AAK1: variants seen among roughly 807,000 people sequenced by gnomAD.
AAK1 encodes AP2 associated kinase 1.
A neutral mutation model predicts 116.0 loss-of-function variants in AAK1; 37 were observed. The observed-to-expected ratio is 0.32, with a 90% CI of 0.25 to 0.42. The LOEUF (loss-of-function observed/expected upper bound fraction) is 0.42. AAK1 is among the 10% of genes least tolerant of loss of function. The probability of loss-of-function intolerance (pLI) is 1.00; values close to 1 mark genes in which losing one functional copy is unlikely to be tolerated. For synonymous variants in AAK1, 458 were observed against 439.9 expected, an observed-to-expected ratio of 1.04 and a Z score of -0.51; for missense variants, 919 against 1,170.6, an observed-to-expected ratio of 0.79 and a Z score of 3.14.
chr2:69,634,959 G>A lies in AAK1; in HGVS notation c.163+7919C>T, dbSNP rs377609110. On this transcript the variant is annotated intron_variant, in intron 2 of 21. Transcript: ENST00000409085. ...ATGACAATGCACTGGGGTAGACAAA[G>A]AAAATAAAAGATCCTCTATTTTTAT... is the stretch of plus-strand genomic sequence containing the variant. Among the ~76,000 whole-genome samples the A allele has an allele frequency of 3.3e-5, 5 of 152,158 alleles. No homozygotes were observed. In the East Asian group the frequency reaches 7.7e-4, roughly 23 times the overall value.
chr2:69,550,051 T>TTG (rs1671110572), intron 3 of AAK1, among the ~76,000 whole-genome samples: 1 of 152,244 alleles, frequency 6.6e-6, no homozygotes, highest in Admixed American at 6.5e-5. Flanking sequence ...ATCAAACCAC[T>TTG]TATCAGAAAC....
At chr2:69,640,014 A>AACACAC (rs376034914) in intron 2 of AAK1, among the ~76,000 whole-genome samples, 2,361 of 103,744 alleles carry the variant, frequency 0.023, 179 homozygotes, top group East Asian at 0.18. Context: ...ACTCCCCTTT[A>AACACAC]ACACACACAC....
At chr2:69,598,385 G>A in intron 2 of AAK1, 1 of 322,216 alleles carries the variant, frequency 3.1e-6, no homozygotes. Flanking sequence ...ATGTCCAGAG[G>A]TTGGTGCCAA....
intron 12 of AAK1, among the ~76,000 whole-genome samples, chr2:69,516,390 T>C (rs35349241): frequency 0.021 from 3,190 of 149,934 alleles, 45 homozygotes; most frequent in Non-Finnish European, 0.033. Flanking sequence ...GGAATATAAA[T>C]CCGAATTCAT....
chr2:69,494,568 G>C (rs1244454532), intron 17 of AAK1, among the ~76,000 whole-genome samples: 1 of 152,136 alleles, frequency 6.6e-6, no homozygotes, highest in Non-Finnish European at 1.5e-5. Flanking sequence ...TCTTTCCCTT[G>C]TCTGATCCCA....
At chr2:69,573,076 C>A (rs115281707) in intron 2 of AAK1, among the ~76,000 whole-genome samples, 261 of 152,220 alleles carry the variant, frequency 1.7e-3, no homozygotes, top group Middle Eastern at 6.8e-3. Context: ...AACCTAAAAA[C>A]CAAATGAGTA....
intron 10 of AAK1, among the ~76,000 whole-genome samples, chr2:69,522,748 G>A (rs1475432128): frequency 1.3e-5 from 2 of 151,444 alleles, no homozygotes; most frequent in African/African-American, 2.4e-5. Context: ...AGGTTGCAGT[G>A]AGCCAAGATC....
Position 69,598,516 on chromosome 2 carries a change from CT to C in AAK1, c.164-41539del, listed in dbSNP as rs1294601185. On this transcript the variant is annotated intron_variant, in intron 2 of 21. Coordinates refer to ENST00000409085, the MANE Select transcript of AAK1 (RefSeq NM_014911.5). ...CAGAAGACACAAACGTTTTCTTTTT[CT>C]TTTTTTTTTTCTTTTTTTTGAAGAC... 467 of 149,702 alleles carry C rather than the reference CT, an allele frequency of 3.1e-3. 2 individuals carry two copies. Among genetic ancestry groups the C allele is most frequent in the African/African-American group, 0.01 (412 of 40,016 alleles). The allele number at this position is 149,702 out of a possible 1,614,324, so 9.3% of individuals were successfully genotyped here.
intron 16 of AAK1, among the ~76,000 whole-genome samples, chr2:69,502,777 T>C (rs901030015): frequency 6.6e-6 from 1 of 152,226 alleles, no homozygotes; most frequent in Non-Finnish European, 1.5e-5. Context: ...CTTGAAAATA[T>C]GTATAAAAAA....
intron 2 of AAK1, among the ~76,000 whole-genome samples, chr2:69,566,569 C>T (rs559953796): frequency 6.6e-6 from 1 of 152,252 alleles, no homozygotes; most frequent in Admixed American, 6.5e-5. Flanking sequence ...AGAACCCAAT[C>T]GAGGCCACAG....
chr2:69,509,310 C>T lies in AAK1; in HGVS notation c.1927G>A (p.Ala643Thr). The T allele has an allele frequency of 6.2e-7, 1 of 1,613,946 alleles. No individual in the cohort carries two copies. ...RRILSDVTHSAVFGVPASKST... is the reference protein window; with the variant it reads ...RRILSDVTHSTVFGVPASKST... The stretch of plus-strand genomic sequence containing the variant: ...TTGCTGGCAGGGACCCCAAAGACTG[C>T]ACTGTGGGTTACGTCACTGAGAATA... Residue 643 changes from alanine (A) to threonine (T), a missense_variant, in exon 14 of 22, where the codon GCA becomes ACA. By Grantham distance (58) the Ala-to-Thr change is moderately conservative. Transcript: ENST00000409085.
At chr2:69,568,448 T>TA (rs1327749186) in intron 2 of AAK1, among the ~76,000 whole-genome samples, 2 of 144,592 alleles carry the variant, frequency 1.4e-5, no homozygotes, top group East Asian at 2.0e-4. Context: ...TTTTTTTTTT[T>TA]AAGACAGGGT....
intron 17 of AAK1, among the ~76,000 whole-genome samples, chr2:69,483,601 C>A (rs1343049986): frequency 6.6e-6 from 1 of 151,750 alleles, no homozygotes; most frequent in African/African-American, 2.4e-5. Context: ...TCTCTTTTTT[C>A]GGGGGTTGGG....
intron 2 of AAK1, among the ~76,000 whole-genome samples, chr2:69,583,827 G>C (rs1178433038): frequency 1.3e-5 from 2 of 151,242 alleles, no homozygotes; most frequent in Admixed American, 1.3e-4. Context: ...ACTTTTTCAA[G>C]TTTCTGGATA....
At chr2:69,569,007 A>C (rs1671989370) in intron 2 of AAK1, among the ~76,000 whole-genome samples, 1 of 152,120 alleles carries the variant, frequency 6.6e-6, no homozygotes, top group Non-Finnish European at 1.5e-5. Context: ...CCCAGAATCC[A>C]TCCCTTCTAC....
chr2:69,485,660 T>G (rs1273200338), intron 17 of AAK1, among the ~76,000 whole-genome samples: 5 of 135,742 alleles, frequency 3.7e-5, no homozygotes, highest in African/African-American at 1.4e-4. Flanking sequence ...AAAATCTCTC[T>G]TTTTTTTTTT....
intron 10 of AAK1, among the ~76,000 whole-genome samples, chr2:69,524,066 T>C (rs957030467): frequency 2.6e-5 from 4 of 152,146 alleles, no homozygotes; most frequent in African/African-American, 9.7e-5. Context: ...AGAACCTAGG[T>C]TGAACAGACT....
At chr2:69,514,156 C>T (rs888303423) in intron 13 of AAK1, among the ~76,000 whole-genome samples, 21 of 152,196 alleles carry the variant, frequency 1.4e-4, no homozygotes, top group African/African-American at 3.9e-4. Context: ...TTAATCCTGC[C>T]TAGGTCCTTG....
intron 5 of AAK1, among the ~76,000 whole-genome samples, chr2:69,537,217 G>A (rs1178822592): frequency 1.3e-5 from 2 of 152,192 alleles, no homozygotes; most frequent in Admixed American, 6.5e-5. Flanking sequence ...TCAGAGAAAT[G>A]AAAATTTAAA....
Sources: allele counts gnomAD v4.1 joint callset (sites outside exome capture counted in the v4.1 genomes callset), GRCh38; gene constraint gnomAD v4.1.1; transcripts MANE v1.5; gene names NCBI Gene and HGNC (gene_info 2026-07-23, HGNC 2026-07-21).